Variants in LHX8 observed in about 807,000 individuals in gnomAD.
The protein encoded by LHX8 is LIM/homeobox protein Lhx8.
LHX8 carries 12 observed loss-of-function variants against 40.3 expected under a neutral mutation model. That is an observed-to-expected ratio of 0.30 (90% CI 0.19 to 0.48). The LOEUF (loss-of-function observed/expected upper bound fraction) is 0.48, where lower values mean the gene tolerates loss of function less well. Ranked by LOEUF, LHX8 falls within the 20% of genes least tolerant of loss-of-function variation. The pLI is 0.99. For synonymous variants in LHX8, 179 were observed against 162.0 expected, an observed-to-expected ratio of 1.10 and a Z score of -0.80; for missense variants, 344 against 433.7, an observed-to-expected ratio of 0.79 and a Z score of 1.84.
chr1:75,155,158 T>C (rs1010614874), intron 7 of LHX8, among the ~76,000 whole-genome samples: 9 of 152,118 alleles, frequency 5.9e-5, no homozygotes, highest in Non-Finnish European at 1.0e-4. Context: ...TTCGCCTCTC[T>C]TTCCTCTCAT....
At chr1:75,138,514 G>A (rs1648215254) in intron 3 of LHX8, among the ~76,000 whole-genome samples, 1 of 152,254 alleles carries the variant, frequency 6.6e-6, no homozygotes, top group African/African-American at 2.4e-5. Context: ...ATTAACATTG[G>A]CTTTCTCTTT....
chr1:75,148,689 A>G lies in LHX8; in HGVS notation c.780+7A>G, dbSNP rs763266564. The G allele has an allele frequency of 3.8e-5, 59 of 1,561,966 alleles. No individual in the cohort carries two copies. In the East Asian group the frequency reaches 1.2e-3, roughly 32 times the overall value. On this transcript the variant is annotated splice_region_variant and intron_variant, in intron 7 of 8. Transcript: ENST00000356261. ...GAGCAGACGTGTGATACAGGTGATT[A>G]CTTTACTTTTTTTTTTTTTTAAGGT...
chr1:75,170,170 G>A, the LHX8 span, among the ~76,000 whole-genome samples: 2 of 152,192 alleles, frequency 1.3e-5, no homozygotes, highest in Admixed American at 6.5e-5. Context: ...TCTGGGCTAC[G>A]ATTTCTTTTG....
chr1:75,146,385 C>T (rs1029846818), intron 6 of LHX8, among the ~76,000 whole-genome samples: 2 of 152,126 alleles, frequency 1.3e-5, no homozygotes, highest in African/African-American at 4.8e-5. Flanking sequence ...CAAATACCGT[C>T]CCATTTGTAG....
chr1:75,148,766 C>T, intron 7 of LHX8, 84 bp downstream of exon 7: 6 of 937,092 alleles, frequency 6.4e-6, no homozygotes, highest in Non-Finnish European at 1.0e-5. Flanking sequence ...TGATCTTGAA[C>T]TCTTGAGCTT....
chr1:75,166,664 A>T, the LHX8 span, among the ~76,000 whole-genome samples: 1 of 152,218 alleles, frequency 6.6e-6, no homozygotes, highest in Non-Finnish European at 1.5e-5. Context: ...TTCCTAGTTC[A>T]TCATTTGTCT....
At chr1:75,152,958 C>G (rs1648649729) in intron 7 of LHX8, among the ~76,000 whole-genome samples, 1 of 152,190 alleles carries the variant, frequency 6.6e-6, no homozygotes, top group African/African-American at 2.4e-5. Flanking sequence ...GTTATTTTCT[C>G]TATATCTTAC....
chr1:75,179,502 GTT>G, the LHX8 span, among the ~76,000 whole-genome samples: 9,267 of 108,432 alleles, frequency 0.085, 385 homozygotes, highest in African/African-American at 0.17. Context: ...AACCCCTGTT[GTT>G]TTTTTTTTTT....
chr1:75,188,121 TC>T, the LHX8 span, among the ~76,000 whole-genome samples: 1 of 152,098 alleles, frequency 6.6e-6, no homozygotes, highest in Non-Finnish European at 1.5e-5. Context: ...TAGAGAAATC[TC>T]ATACTCCCAT....
In LHX8 at chr1:75,136,656, G is replaced by A; in HGVS notation, c.42G>A (p.Gly14=). 1 of 1,548,760 alleles carries A rather than the reference G, an allele frequency of 6.5e-7. No homozygotes were observed. The highest frequency in any genetic ancestry group is 1.7e-4 in the Middle Eastern group (1 of 5,960). ...ECGRTTALAA[G]RTRKGAGEEG... is the part of the protein sequence containing the mutation. ...GGCGGACTACAGCCCTGGCGGCCGG[G>A]AGGACTCGCAAAGGCGCCGGGGAAG... Residue 14 remains glycine, a synonymous_variant, in exon 2 of 9, where the codon GGG becomes GGA. Coordinates refer to ENST00000356261, the MANE Select transcript of LHX8 (RefSeq NM_001256114.2).
intron 6 of LHX8, among the ~76,000 whole-genome samples, chr1:75,147,038 A>G (rs962538682): frequency 1.3e-5 from 2 of 152,184 alleles, no homozygotes; most frequent in African/African-American, 2.4e-5. Flanking sequence ...GTTCAACTGC[A>G]TAGAAACATA....
the LHX8 span, among the ~76,000 whole-genome samples, chr1:75,180,733 C>A: frequency 6.6e-6 from 1 of 152,180 alleles, no homozygotes; most frequent in African/African-American, 2.4e-5. Context: ...TGTTCTCCTG[C>A]TGGCAAGGAG....
chr1:75,196,127 C>T, the LHX8 span, among the ~76,000 whole-genome samples: 1 of 152,054 alleles, frequency 6.6e-6, no homozygotes, highest in Non-Finnish European at 1.5e-5. Flanking sequence ...ATTTTAATAA[C>T]GATCGAGTTG....
chr1:75,173,778 A>G, the LHX8 span, among the ~76,000 whole-genome samples: 1 of 152,172 alleles, frequency 6.6e-6, no homozygotes, highest in East Asian at 1.9e-4. Flanking sequence ...GGGAATTAAA[A>G]AAGAAACTGA....
At chr1:75,147,018 G>T (rs116740100) in intron 6 of LHX8, among the ~76,000 whole-genome samples, 2,158 of 152,170 alleles carry the variant, frequency 0.014, 52 homozygotes, top group African/African-American at 0.05. Context: ...TCTTTTTGGG[G>T]TTATTACATG....
the LHX8 span, among the ~76,000 whole-genome samples, chr1:75,195,024 A>C: frequency 6.6e-6 from 1 of 152,186 alleles, no homozygotes; most frequent in African/African-American, 2.4e-5. Flanking sequence ...GCAAGGCCTC[A>C]AACATAAGTC....
intron 7 of LHX8, among the ~76,000 whole-genome samples, chr1:75,152,460 A>G (rs1269359325): frequency 6.6e-6 from 1 of 152,188 alleles, no homozygotes; most frequent in South Asian, 2.1e-4. Flanking sequence ...AACTATTGCT[A>G]TTTCTTCCAA....
chr1:75,196,354 A>C, the LHX8 span, among the ~76,000 whole-genome samples: 1 of 152,134 alleles, frequency 6.6e-6, no homozygotes, highest in Non-Finnish European at 1.5e-5. Flanking sequence ...ATCAAGCATC[A>C]AGCAGCTGCT....
chr1:75,141,332 T>C (rs1648304657), intron 4 of LHX8, among the ~76,000 whole-genome samples: 2 of 152,166 alleles, frequency 1.3e-5, no homozygotes, highest in African/African-American at 4.8e-5. Context: ...TAAATAATAC[T>C]TTCACTTTGG....
Sources: allele counts gnomAD v4.1 joint callset (sites outside exome capture counted in the v4.1 genomes callset), GRCh38; gene constraint gnomAD v4.1.1; transcripts MANE v1.5; gene names NCBI Gene and HGNC (gene_info 2026-07-23, HGNC 2026-07-21).